PI4K2B: variants seen among roughly 807,000 people sequenced by gnomAD.
The protein encoded by PI4K2B is phosphatidylinositol 4-kinase type 2-beta.
Under a neutral mutation model 56.6 loss-of-function variants are expected in PI4K2B, and 46 were observed. That is an observed-to-expected ratio of 0.81 (90% CI 0.64 to 1.04). The LOEUF is 1.04. Ranked by LOEUF, PI4K2B falls within the 50% of genes least tolerant of loss-of-function variation. The pLI is 0.00. For synonymous variants in PI4K2B, 211 were observed against 223.8 expected (o/e 0.94, Z 0.51); for missense variants, 556 against 607.7 (o/e 0.91, Z 0.89).
At chr4:25,259,607 A>C (rs1716383446) in intron 5 of PI4K2B, among the ~76,000 whole-genome samples, 1 of 152,156 alleles carries the variant, frequency 6.6e-6, no homozygotes, top group East Asian at 1.9e-4. Context: ...TAGACCAGGG[A>C]TGTCCAGTCT....
In PI4K2B at chr4:25,252,400, A is replaced by C; in HGVS notation, c.348A>C (p.Ala116=). ...ATATTATGCTGAGAGCAGAGCAAGC[A>C]ATAGAAGTTGGAATTTTTCCAGAAA... ...FADIMLRAEQ[A]IEVGIFPERI... is the part of the protein sequence containing the mutation. Residue 116 remains alanine, a synonymous_variant, in exon 2 of 10, where the codon GCA becomes GCC. Coordinates refer to ENST00000264864, the MANE Select transcript of PI4K2B (RefSeq NM_018323.4). The C allele has an allele frequency of 6.2e-7, 1 of 1,609,832 alleles. No individual in the cohort carries two copies. The highest frequency in any genetic ancestry group is 1.7e-4 in the Middle Eastern group (1 of 6,052).
At chr4:25,253,031 A>G (rs1375444028) in intron 2 of PI4K2B, among the ~76,000 whole-genome samples, 6 of 152,212 alleles carry the variant, frequency 3.9e-5, no homozygotes, top group Non-Finnish European at 8.8e-5. Context: ...GAATACCCAC[A>G]TTCAGCTGTA....
intron 1 of PI4K2B, among the ~76,000 whole-genome samples, chr4:25,239,174 C>T (rs541215479): frequency 5.3e-5 from 8 of 152,370 alleles, no homozygotes; most frequent in African/African-American, 1.9e-4. Context: ...GTCCAGCTGG[C>T]TTCACCCAGT....
intron 2 of PI4K2B, chr4:25,254,362 CTG>C (rs1716175446): frequency 3.5e-6 from 3 of 864,174 alleles, no homozygotes; most frequent in Admixed American, 6.2e-5. Flanking sequence ...AATAATAACA[CTG>C]TTTGACCTAG....
chr4:25,256,929 A>G (rs1466057146), intron 4 of PI4K2B, among the ~76,000 whole-genome samples: 1 of 150,848 alleles, frequency 6.6e-6, no homozygotes, highest in Non-Finnish European at 1.5e-5. Flanking sequence ...AAGAGGTTGC[A>G]TGAAAGGCTT....
At chr4:25,237,911 A>G (rs981235314) in intron 1 of PI4K2B, among the ~76,000 whole-genome samples, 33 of 152,338 alleles carry the variant, frequency 2.2e-4, no homozygotes, top group African/African-American at 7.9e-4. Flanking sequence ...AAAAGCACAA[A>G]GAAGTGAAGT....
chr4:25,269,054 C>G lies in PI4K2B; in HGVS notation c.1213-90C>G, dbSNP rs192885238. The G allele has an allele frequency of 9.0e-6, 6 of 664,504 alleles. No individual in the cohort carries two copies. In the African/African-American group the frequency reaches 9.2e-5, roughly 10 times the overall value. 41.2% of individuals were successfully genotyped at this position (664,504 alleles called of 1,614,324 possible). A position where few individuals can be genotyped will look rare whatever the true frequency, so the allele number is the denominator to read the frequency against. ...TCAATTAGGAAAGCTTTTTAATGGCCTTATTTGCTGAGTTGAAGAGTTCAT... is the reference window on the plus strand; with the variant it reads ...TCAATTAGGAAAGCTTTTTAATGGCGTTATTTGCTGAGTTGAAGAGTTCAT... On this transcript the variant is annotated intron_variant, in intron 8 of 9. Transcript: ENST00000264864.
chr4:25,252,236 C>G (rs967208763), intron 1 of PI4K2B, 85 bp from the exon 2 acceptor site: 6 of 953,060 alleles, frequency 6.3e-6, no homozygotes, highest in Non-Finnish European at 8.0e-6. Context: ...TTTTCTGTAC[C>G]TTATATCCTG....
intron 1 of PI4K2B, among the ~76,000 whole-genome samples, chr4:25,245,558 A>G (rs186463050): frequency 3.3e-5 from 5 of 152,190 alleles, no homozygotes; most frequent in East Asian, 3.9e-4. Context: ...AACGCTCCCA[A>G]CTCTGAAGAG....
chr4:25,254,747 T>C lies in PI4K2B; in HGVS notation c.424-318T>C, dbSNP rs911542620. 4.5e-4 allele frequency among the ~76,000 whole-genome samples: 68 copies of C among 152,148 alleles called. 1 individual carries two copies. The highest frequency in any genetic ancestry group is 1.5e-3 in the African/African-American group (62 of 41,438). On this transcript the variant is annotated intron_variant, in intron 2 of 9. Transcript: ENST00000264864. ...GTTTCTTAACTTGGAAGTCCAGCAA[T>C]ATAAAACAGGTGAAATTAGAGTTAA...
chr4:25,256,032 C>A (rs1469382882), intron 3 of PI4K2B, among the ~76,000 whole-genome samples: 5 of 152,218 alleles, frequency 3.3e-5, no homozygotes, highest in African/African-American at 1.2e-4. Context: ...GATCCTCCCA[C>A]CTCAGCCTCC....
rs1716441810 is a variant in PI4K2B at position 25,260,721 on chromosome 4, TATTCA to T, written c.978+134_978+138del. On this transcript the variant is annotated intron_variant, in intron 6 of 9. Coordinates refer to ENST00000264864, the MANE Select transcript of PI4K2B (RefSeq NM_018323.4). ...AACTTGTGAATATTATATATATATA[TATTCA>T]ATTTCTGTAAAAGATTCCTTTAAGT... 3 of 260,076 alleles carry T rather than the reference TATTCA, an allele frequency of 1.2e-5. No homozygotes were observed. The South Asian group carries it at 5.3e-4, about 46-fold the overall frequency. 16.1% of individuals were successfully genotyped at this position (260,076 alleles called of 1,614,324 possible).
In PI4K2B at chr4:25,277,010, A is replaced by G. The variant is rs1717126434; in HGVS notation, c.1273-4A>G. 3 of 1,543,854 alleles carry G rather than the reference A, an allele frequency of 1.9e-6. No individual in the cohort carries two copies. Among genetic ancestry groups the G allele is most frequent in the Non-Finnish European group, 2.6e-6 (3 of 1,133,750 alleles). On this transcript the variant is annotated splice_polypyrimidine_tract_variant and splice_region_variant and intron_variant, in intron 9 of 9. Transcript: ENST00000264864. Reference sequence around the variant, plus strand: ...ATTGGTAAAAATCTCTCTTCTTCCCACAGATCTTAAACCTTACTCAGGCAT... The same window carrying G: ...ATTGGTAAAAATCTCTCTTCTTCCCGCAGATCTTAAACCTTACTCAGGCAT...
intron 9 of PI4K2B, among the ~76,000 whole-genome samples, chr4:25,275,957 A>G (rs1717078076): frequency 6.6e-6 from 1 of 152,170 alleles, no homozygotes; most frequent in African/African-American, 2.4e-5. Flanking sequence ...CAGTCAATCA[A>G]TCAATCAATC....
intron 3 of PI4K2B, 82 bp from the exon 4 acceptor site, chr4:25,256,461 A>G (rs1277949471): frequency 7.7e-7 from 1 of 1,293,314 alleles, no homozygotes; most frequent in Non-Finnish European, 1.1e-6. Flanking sequence ...AATTTTCATC[A>G]TTAGAGTGAG....
rs1259079380 is a variant in PI4K2B, at chr4:25,277,979, G to A, written c.*792G>A. The A allele has an allele frequency of 6.6e-6, 1 of 152,128 alleles. No individual in the cohort carries two copies. Among genetic ancestry groups the A allele is most frequent in the Non-Finnish European group, 1.5e-5 (1 of 68,000 alleles). The allele number at this position is 152,128 out of a possible 1,614,324, so 9.4% of individuals were successfully genotyped here. ...AAATACTTGAGATTAGTACTTCAGA[G>A]TACTGGCCTTGTTCAATTTAGTACT... On this transcript the variant is annotated 3_prime_UTR_variant, in exon 10 of 10. Transcript: ENST00000264864.
intron 9 of PI4K2B, among the ~76,000 whole-genome samples, chr4:25,274,070 C>T (rs1174001455): frequency 6.6e-6 from 1 of 152,098 alleles, no homozygotes; most frequent in East Asian, 1.9e-4. Context: ...TTGCAGCACT[C>T]CCTGGGAATA....
intron 1 of PI4K2B, among the ~76,000 whole-genome samples, chr4:25,236,470 C>T (rs2109080421): frequency 6.6e-6 from 1 of 151,248 alleles, no homozygotes; most frequent in African/African-American, 2.4e-5. Context: ...AGAATCGCTT[C>T]TGAACCCGAG....
At chr4:25,236,191 C>A (rs1384766537) in intron 1 of PI4K2B, among the ~76,000 whole-genome samples, 1 of 144,056 alleles carries the variant, frequency 6.9e-6, no homozygotes, top group Admixed American at 6.9e-5. Flanking sequence ...TGAGACAGAG[C>A]AAGACTCTGT....
Sources: gnomAD v4.1 joint callset for allele counts (sites outside exome capture counted in the v4.1 genomes callset) on GRCh38, gnomAD v4.1.1 for gene constraint, MANE v1.5 for transcripts, NCBI Gene and HGNC (gene_info 2026-07-23, HGNC 2026-07-21) for gene names.